THSD4: variants seen among roughly 807,000 people sequenced by gnomAD.
THSD4 encodes the protein thrombospondin type 1 domain containing 4.
THSD4 carries 69 observed loss-of-function variants against 119.0 expected under a neutral mutation model. The observed-to-expected ratio is 0.58, with a 90% CI of 0.48 to 0.71. THSD4 has a LOEUF of 0.71. Among genes scored for constraint, THSD4 ranks in the 30% least tolerant of loss-of-function variants. The pLI is 0.00. For synonymous variants in THSD4, 524 were observed against 540.4 expected, an observed-to-expected ratio of 0.97 and a Z score of 0.42; for missense variants, 1,393 against 1,391.1, an observed-to-expected ratio of 1.00 and a Z score of -0.02.
At chr15:71,111,749 G>T (rs866553946), upstream of THSD4, 2 of 523,442 alleles carry the variant, frequency 3.8e-6, no homozygotes, top group African/African-American at 3.8e-5. Context: ...TGCTAGCAAC[G>T]TAGGGAATTA....
At chr15:71,313,589 G>A (rs986389001) in intron 6 of THSD4, among the ~76,000 whole-genome samples, 6 of 152,216 alleles carry the variant, frequency 3.9e-5, no homozygotes, top group East Asian at 1.9e-4. Flanking sequence ...CATGGCACAC[G>A]TTTACCTATG....
chr15:71,740,529 C>A lies in THSD4; in HGVS notation c.1906+2522C>A, dbSNP rs547927238. ...TTCACCCTGTCCGGAGCCCATAGGC[C>A]TTGTGTTGTGAGCAGGATGAGATGA... On this transcript the variant is annotated intron_variant, in intron 11 of 17. Transcript: ENST00000261862. Among the ~76,000 whole-genome samples, 202 of 152,184 alleles carry A rather than the reference C, an allele frequency of 1.3e-3. 4 individuals carry two copies. Among genetic ancestry groups the A allele is most frequent in the African/African-American group, 4.7e-3 (197 of 41,522 alleles).
At chr15:71,301,186 T>C (rs1402994629) in intron 6 of THSD4, among the ~76,000 whole-genome samples, 1 of 152,194 alleles carries the variant, frequency 6.6e-6, no homozygotes, top group Non-Finnish European at 1.5e-5. Flanking sequence ...TCAGCTCCAG[T>C]TTCACCACTC....
At chr15:71,388,967 T>A (rs1346264528) in intron 6 of THSD4, among the ~76,000 whole-genome samples, 1 of 152,100 alleles carries the variant, frequency 6.6e-6, no homozygotes, top group Non-Finnish European at 1.5e-5. Flanking sequence ...TCATGAGATT[T>A]GATGGTTTTA....
intron 4 of THSD4, among the ~76,000 whole-genome samples, chr15:71,217,858 T>C (rs1186136066): frequency 1.3e-5 from 2 of 149,352 alleles, no homozygotes; most frequent in Non-Finnish European, 3.0e-5. Context: ...ACCATCTCAG[T>C]TCACTGCAAC....
At chr15:71,540,729 C>A (rs1216260159) in intron 7 of THSD4, among the ~76,000 whole-genome samples, 1 of 110,610 alleles carries the variant, frequency 9.0e-6, no homozygotes, top group African/African-American at 3.3e-5. Context: ...ACCTGGCCTC[C>A]TTTTTTTTTT....
At chr15:71,602,533 A>G (rs1354310631) in intron 7 of THSD4, among the ~76,000 whole-genome samples, 8 of 144,204 alleles carry the variant, frequency 5.5e-5, no homozygotes. Context: ...AGCCTGGACA[A>G]TAAGAGTGAA....
chr15:71,744,405 T>A (rs1177281111), intron 11 of THSD4, among the ~76,000 whole-genome samples: 1 of 152,136 alleles, frequency 6.6e-6, no homozygotes, highest in Non-Finnish European at 1.5e-5. Context: ...CACGGTCTCA[T>A]GGGAAGTAGA....
intron 6 of THSD4, among the ~76,000 whole-genome samples, chr15:71,410,345 T>G (rs564633240): frequency 9.3e-4 from 142 of 152,220 alleles, no homozygotes; most frequent in African/African-American, 3.3e-3. Context: ...GGAGGCCACA[T>G]CAACCTGAGA....
At chr15:71,571,191 A>G (rs1161787569) in intron 7 of THSD4, among the ~76,000 whole-genome samples, 1 of 151,400 alleles carries the variant, frequency 6.6e-6, no homozygotes, top group Non-Finnish European at 1.5e-5. Flanking sequence ...AGTTGGAACT[A>G]GACCTGCTGA....
At chr15:71,642,533 A>C (rs2050880122) in intron 7 of THSD4, among the ~76,000 whole-genome samples, 1 of 152,202 alleles carries the variant, frequency 6.6e-6, no homozygotes, top group Admixed American at 6.5e-5. Flanking sequence ...CACAATAGCA[A>C]AGACTTGGAA....
intron 3 of THSD4, among the ~76,000 whole-genome samples, chr15:71,212,382 G>A (rs1330795826): frequency 1.3e-5 from 2 of 152,100 alleles, no homozygotes; most frequent in Non-Finnish European, 2.9e-5. Flanking sequence ...TTCCCCCAGG[G>A]ACCTGCCCAA....
chr15:71,423,407 G>A (rs563341430), intron 7 of THSD4, among the ~76,000 whole-genome samples: 5 of 152,216 alleles, frequency 3.3e-5, no homozygotes, highest in South Asian at 2.1e-4. Flanking sequence ...TAGTCAGCAG[G>A]TGATGAATCC....
intron 7 of THSD4, among the ~76,000 whole-genome samples, chr15:71,442,579 A>AAAAAAAATATATAT (rs1195413080): frequency 5.0e-5 from 2 of 39,864 alleles, no homozygotes; most frequent in African/African-American, 1.5e-4. Context: ...AAAAAAAAAA[A>AAAAAAAATATATAT]ATATATATAT....
intron 16 of THSD4, 42 bp downstream of exon 16, chr15:71,765,241 G>A (rs181897961): frequency 1.2e-4 from 193 of 1,586,202 alleles, no homozygotes; most frequent in Middle Eastern, 1.0e-3. Flanking sequence ...TTGGCACAAC[G>A]TCCCCCACCT....
intron 7 of THSD4, among the ~76,000 whole-genome samples, chr15:71,588,525 G>C (rs899233235): frequency 6.6e-6 from 1 of 151,928 alleles, no homozygotes; most frequent in Non-Finnish European, 1.5e-5. Context: ...CTAAGCTCAG[G>C]TGATCCTCCT....
In THSD4 at chr15:71,416,846, C is replaced by T. The variant is rs1241722222; in HGVS notation, c.1152+5023C>T. On this transcript the variant is annotated intron_variant, in intron 7 of 17. Transcript: ENST00000261862. ...CAATCTTGGCTCACTGCAAGCTCCA[C>T]CTCCTGGGTTCACACCATTCTCCTG... Among the ~76,000 whole-genome samples, 4 of 106,352 alleles carry T rather than the reference C, an allele frequency of 3.8e-5. 2 individuals are homozygous for T. Among genetic ancestry groups the T allele is most frequent in the African/African-American group, 1.3e-4 (4 of 30,974 alleles). 69.8% of individuals were successfully genotyped at this position (106,352 alleles called of 152,430 possible).
chr15:71,608,267 C>T (rs2050154921), intron 7 of THSD4, among the ~76,000 whole-genome samples: 1 of 148,634 alleles, frequency 6.7e-6, no homozygotes, highest in East Asian at 2.0e-4. Context: ...CACACACACA[C>T]ACACACACAC....
intron 7 of THSD4, among the ~76,000 whole-genome samples, chr15:71,513,520 C>T (rs61634630): frequency 0.035 from 5,372 of 152,208 alleles, 317 homozygotes; most frequent in African/African-American, 0.12. Context: ...CATCATAAAT[C>T]ATCAGGAAAA....
Sources: allele counts gnomAD v4.1 joint callset (sites outside exome capture counted in the v4.1 genomes callset), GRCh38; gene constraint gnomAD v4.1.1; transcripts MANE v1.5; gene names NCBI Gene and HGNC (gene_info 2026-07-23, HGNC 2026-07-21).